GRAMD1B: variants seen among roughly 807,000 people sequenced by gnomAD.
GRAMD1B encodes GRAM domain containing 1B.
GRAMD1B carries 37 observed loss-of-function variants against 99.7 expected under a neutral mutation model. The ratio of observed to expected loss-of-function variants is 0.37; its 90% CI spans 0.29 to 0.49. GRAMD1B has a LOEUF of 0.49. Ranked by LOEUF, GRAMD1B falls within the 20% of genes least tolerant of loss-of-function variation. The probability of loss-of-function intolerance (pLI) is 0.98; values close to 1 mark genes in which losing one functional copy is unlikely to be tolerated. For missense variants in GRAMD1B, 888 were observed against 1,009.2 expected (o/e 0.88, Z 1.63); for synonymous variants, 427 against 387.6 (o/e 1.10, Z -1.19).
intron 2 of GRAMD1B, among the ~76,000 whole-genome samples, chr11:123,570,313 A>G (rs1199267170): frequency 6.6e-6 from 1 of 152,156 alleles, no homozygotes; most frequent in Non-Finnish European, 1.5e-5. Flanking sequence ...CCTGGTTCCT[A>G]CTGTGGGAAG....
intron 2 of GRAMD1B, among the ~76,000 whole-genome samples, chr11:123,534,531 GGT>G (rs1943748516): frequency 1.3e-5 from 2 of 152,118 alleles, no homozygotes; most frequent in Non-Finnish European, 2.9e-5. Context: ...ATGGGATGTG[GGT>G]TGATCCTTGG....
chr11:123,618,907 G>T, intron 18 of GRAMD1B, 107 bp downstream of exon 18: 1 of 739,782 alleles, frequency 1.4e-6, no homozygotes, highest in South Asian at 1.5e-5. Flanking sequence ...CCATCCCTCT[G>T]GGATGAGCCC....
intron 15 of GRAMD1B, 57 bp downstream of exon 15, chr11:123,612,921 G>T: frequency 1.1e-6 from 1 of 951,630 alleles, no homozygotes; most frequent in South Asian, 1.4e-5. Flanking sequence ...ACTGCACTGC[G>T]GCCGCCCACC....
intron 2 of GRAMD1B, among the ~76,000 whole-genome samples, chr11:123,519,729 C>T (rs1942018741): frequency 6.6e-6 from 1 of 152,230 alleles, no homozygotes; most frequent in African/African-American, 2.4e-5. Context: ...AGAACTTGAG[C>T]TAGAAGGAGA....
chr11:123,561,276 G>C (rs1040776201), intron 2 of GRAMD1B, among the ~76,000 whole-genome samples: 2 of 152,160 alleles, frequency 1.3e-5, no homozygotes, highest in Admixed American at 1.3e-4. Flanking sequence ...GCTTCCCTCC[G>C]CAGTGCCTCC....
intron 17 of GRAMD1B, among the ~76,000 whole-genome samples, chr11:123,617,047 G>A (rs982306301): frequency 7.9e-5 from 12 of 152,268 alleles, no homozygotes; most frequent in Middle Eastern, 3.4e-3. Flanking sequence ...CCAGAAGCAC[G>A]GATGACACAC....
Position 123,589,259 on chromosome 11 carries a change from G to C in GRAMD1B, c.685-4823G>C, listed in dbSNP as rs144514081. 4.1e-3 allele frequency among the ~76,000 whole-genome samples: 626 copies of C among 151,880 alleles called. 9 individuals are homozygous for C. The highest frequency in any genetic ancestry group is 0.036 in the Admixed American group (556 of 15,242). ...CTGTTTGAGGCATAGATCCTTCCTG[G>C]AGGTGTCCTTCAGACAGAGTGAGAC... is the stretch of plus-strand genomic sequence containing the variant. On this transcript the variant is annotated intron_variant, in intron 4 of 19. Coordinates refer to ENST00000635736, the MANE Select transcript of GRAMD1B (RefSeq NM_001387025.1).
Position 123,484,464 on chromosome 11 carries a change from G to T in GRAMD1B, c.452+3571G>T, listed in dbSNP as rs372970000. 1.8e-4 allele frequency among the ~76,000 whole-genome samples: 28 copies of T among 152,166 alleles called. No individual in the cohort carries two copies. The East Asian group carries it at 5.4e-3, about 29-fold the overall frequency. On this transcript the variant is annotated intron_variant, in intron 2 of 19. Transcript: ENST00000635736. ...TCCAACCACAGGAAATGTTACAAAGGTTCTCCCATCTAAACCTCTGCCCAG... is the reference window on the plus strand; with the variant it reads ...TCCAACCACAGGAAATGTTACAAAGTTTCTCCCATCTAAACCTCTGCCCAG...
At chr11:123,469,236 G>A (rs1186239307) in intron 1 of GRAMD1B, among the ~76,000 whole-genome samples, 4 of 152,076 alleles carry the variant, frequency 2.6e-5, no homozygotes, top group Non-Finnish European at 5.9e-5. Context: ...GAACTTGCTC[G>A]GAAATCATGG....
At chr11:123,520,083 A>G (rs1303270229) in intron 2 of GRAMD1B, among the ~76,000 whole-genome samples, 1 of 152,240 alleles carries the variant, frequency 6.6e-6, no homozygotes, top group Non-Finnish European at 1.5e-5. Flanking sequence ...TTGTTGGATT[A>G]GGAAAGGAAC....
At chr11:123,599,101 C>T in intron 7 of GRAMD1B, 1 of 887,488 alleles carries the variant, frequency 1.1e-6, no homozygotes. Context: ...CTTGGATTCT[C>T]TCGAGCCTTC....
chr11:123,526,095 G>A, intron 2 of GRAMD1B: 7 of 1,532,726 alleles, frequency 4.6e-6, no homozygotes, highest in Non-Finnish European at 6.3e-6. Context: ...GGGACCTCCG[G>A]AGCTGTAACG....
At chr11:123,410,589 C>T (rs888356354) in intron 1 of GRAMD1B, among the ~76,000 whole-genome samples, 3 of 152,130 alleles carry the variant, frequency 2.0e-5, no homozygotes, top group Non-Finnish European at 4.4e-5. Context: ...CCCTGCTCCA[C>T]CCGCCAGTAG....
intron 1 of GRAMD1B, among the ~76,000 whole-genome samples, chr11:123,376,648 C>T (rs1194628826): frequency 2.0e-5 from 3 of 152,178 alleles, no homozygotes; most frequent in Admixed American, 2.0e-4. Context: ...CCAGCTTAAG[C>T]GCAAAGACAA....
At chr11:123,503,110 G>A (rs191295100) in intron 2 of GRAMD1B, among the ~76,000 whole-genome samples, 5 of 152,316 alleles carry the variant, frequency 3.3e-5, no homozygotes, top group Non-Finnish European at 5.9e-5. Context: ...CTGTCATTCC[G>A]AACCTTGGTG....
At chr11:123,580,677 A>C (rs1159007568) in intron 3 of GRAMD1B, among the ~76,000 whole-genome samples, 1 of 152,126 alleles carries the variant, frequency 6.6e-6, no homozygotes. Flanking sequence ...CGGCCCCAGC[A>C]CTTCCCTCCC....
intron 1 of GRAMD1B, among the ~76,000 whole-genome samples, chr11:123,473,009 A>G (rs1421489945): frequency 6.6e-6 from 1 of 152,064 alleles, no homozygotes; most frequent in Non-Finnish European, 1.5e-5. Flanking sequence ...GATGCTTTTC[A>G]TTAACAGGAA....
At chr11:123,585,086 C>T (rs1241891062) in intron 4 of GRAMD1B, among the ~76,000 whole-genome samples, 1 of 152,220 alleles carries the variant, frequency 6.6e-6, no homozygotes, top group Admixed American at 6.5e-5. Flanking sequence ...AGGGGCTGAC[C>T]TCAGATGACC....
At position 123,430,988 on chromosome 11, in the gene GRAMD1B, G is replaced by A. The variant is rs1050924217; in HGVS notation, c.196G>A (p.Ala66Thr). 16 of 702,766 alleles carry A rather than the reference G, an allele frequency of 2.3e-5. No homozygotes were observed. Among genetic ancestry groups the A allele is most frequent in the Non-Finnish European group, 4.2e-5 (16 of 384,928 alleles). The allele number at this position is 702,766 out of a possible 1,614,324, so 43.5% of individuals were successfully genotyped here. A position where few individuals can be genotyped will look rare whatever the true frequency, so the allele number is the denominator to read the frequency against. The change falls in exon 1 of 20, where the codon GCC becomes ACC. Residue 66 changes from alanine (A) to threonine (T), a missense_variant. Ala to Thr is a moderately conservative substitution (Grantham distance 58, BLOSUM62 0). Around this residue, in one of 5 missense-constraint regions of GRAMD1B, gnomAD observed 233 missense variants for 154.6 expected, o/e 1.51. Coordinates refer to ENST00000635736, the MANE Select transcript of GRAMD1B (RefSeq NM_001387025.1). ...GGCCGGGCTGGCCCGGGACCTGCCC[G>A]CCGTCTTGGCCCCCGGCAAGGAGTT... is the stretch of plus-strand genomic sequence containing the variant. ...LEAGLARDLP[A>T]VLAPGKEFLQ...
Sources: gnomAD v4.1 joint callset for allele counts (sites outside exome capture counted in the v4.1 genomes callset) on GRCh38, gnomAD v4.1.1 for gene constraint, gnomAD v4.1.1 regional missense constraint, MANE v1.5 for transcripts, NCBI Gene and HGNC (gene_info 2026-07-23, HGNC 2026-07-21) for gene names.